ANKS1A: variants seen among roughly 807,000 people sequenced by gnomAD.
ANKS1A encodes the protein ankyrin repeat and sterile alpha motif domain containing 1A.
A neutral mutation model predicts 120.3 loss-of-function variants in ANKS1A; 55 were observed. That is an observed-to-expected ratio of 0.46 (90% CI 0.37 to 0.57). ANKS1A has a LOEUF of 0.57. Ranked by LOEUF, ANKS1A falls within the 20% of genes least tolerant of loss-of-function variation. The pLI is 0.00. For synonymous variants in ANKS1A, 590 were observed against 604.7 expected (o/e 0.98, Z 0.36); for missense variants, 1,123 against 1,480.3 (o/e 0.76, Z 3.96).
At chr6:35,035,016 A>C (rs530042993) in intron 11 of ANKS1A, among the ~76,000 whole-genome samples, 181 of 152,368 alleles carry the variant, frequency 1.2e-3, no homozygotes, top group Non-Finnish European at 1.9e-3. Context: ...GTAAGTGGCA[A>C]ATGTTGGCTT....
chr6:35,085,833 A>G lies in ANKS1A; in HGVS notation c.3200A>G (p.Gln1067Arg), dbSNP rs1285697553. 3.1e-6 allele frequency: 5 copies of G among 1,613,498 alleles called. No individual in the cohort carries two copies. The highest frequency in any genetic ancestry group is 2.2e-5 in the East Asian group (1 of 44,864). ...GAAGTGGCCTATCAGTTGGCCCTGC[A>G]GGCCCAGAAGTCCAGGGCGACGGGC... Reference protein sequence around the residue: ...AFEVAYQLALQAQKSRATGAS... With the variant: ...AFEVAYQLALRAQKSRATGAS... Residue 1067 changes from glutamine to arginine, a missense_variant, in exon 22 of 24, where the codon CAG (glutamine) becomes CGG (arginine). By Grantham distance (43) the Gln-to-Arg change is conservative. This residue lies in a region of ANKS1A where 904 missense variants were observed against 1,130.4 expected (regional missense o/e 0.80). Coordinates refer to ENST00000360359, the MANE Select transcript of ANKS1A (RefSeq NM_015245.3). The surrounding 1 kb of genome is among the most constrained non-coding windows in gnomAD (Gnocchi z 4.7).
intron 1 of ANKS1A, among the ~76,000 whole-genome samples, chr6:34,904,248 A>T (rs1767523023): frequency 6.6e-6 from 1 of 152,218 alleles, no homozygotes; most frequent in Non-Finnish European, 1.5e-5. Flanking sequence ...AGTTATTAAA[A>T]CATATTTTTT....
chr6:34,923,645 T>C (rs1313333333), intron 1 of ANKS1A, among the ~76,000 whole-genome samples: 1 of 152,128 alleles, frequency 6.6e-6, no homozygotes, highest in African/African-American at 2.4e-5. Context: ...TTAAATTGTA[T>C]AGTTTTAAAC....
At position 35,091,096 on chromosome 6, in the gene ANKS1A, T is replaced by C. The variant is rs1247213529; in HGVS notation, c.*2487T>C. 3 of 985,836 alleles carry C rather than the reference T, an allele frequency of 3.0e-6. No individual in the cohort carries two copies. The African/African-American group carries it at 5.2e-5, about 17-fold the overall frequency. 61.1% of individuals were successfully genotyped at this position (985,836 alleles called of 1,614,324 possible). On this transcript the variant is annotated 3_prime_UTR_variant, in exon 24 of 24. Transcript: ENST00000360359. Reference sequence around the variant, plus strand: ...CCAGCAGAAAGCAGCTCAGAAGTATTGTTGCTCATGGTGTGGCAATGGACT... The same window carrying C: ...CCAGCAGAAAGCAGCTCAGAAGTATCGTTGCTCATGGTGTGGCAATGGACT...
rs775299171 is a variant in ANKS1A at position 35,085,972 on chromosome 6, C to A, written c.3303+36C>A. The A allele has an allele frequency of 1.0e-5, 16 of 1,558,590 alleles. No individual in the cohort carries two copies. In the African/African-American group the frequency reaches 1.9e-4, roughly 19 times the overall value. ...CCCACTGGCCAAGATCCCCCTCTCC[C>A]TGGCCCCAGGGATTCAAGGGCTCAG... On this transcript the variant is annotated intron_variant, in intron 22 of 23. Transcript: ENST00000360359. The surrounding 1 kb of genome is among the most constrained non-coding windows in gnomAD (Gnocchi z 4.7).
rs760937822 is a variant in ANKS1A at position 35,086,266 on chromosome 6, C to G, written c.3303+330C>G. On this transcript the variant is annotated intron_variant, in intron 22 of 23. Transcript: ENST00000360359. This position sits in a 1 kb window ranked among gnomAD's most constrained non-coding sequence, Gnocchi z 5.1. Reference sequence around the variant, plus strand: ...GTCTGTGTCTGCTTTGCTCTGCACCCCAGGTGCCGCTGCCCCCCGATAGTC... The same window carrying G: ...GTCTGTGTCTGCTTTGCTCTGCACCGCAGGTGCCGCTGCCCCCCGATAGTC... 7.4e-7 allele frequency: 1 copy of G among 1,344,324 alleles called. No individual in the cohort carries two copies. Among genetic ancestry groups the G allele is most frequent in the Admixed American group, 2.2e-5 (1 of 45,056 alleles). 83.3% of individuals were successfully genotyped at this position (1,344,324 alleles called of 1,614,324 possible). A position where few individuals can be genotyped will look rare whatever the true frequency, so the allele number is the denominator to read the frequency against.
At chr6:34,935,845 G>A (rs9394260) in intron 1 of ANKS1A, among the ~76,000 whole-genome samples, 23,119 of 151,436 alleles carry the variant, frequency 0.15, 2,361 homozygotes, top group East Asian at 0.56. Flanking sequence ...GGCGGATCAC[G>A]AGGTCAGGAG....
In ANKS1A at chr6:35,082,647, C is replaced by T; in HGVS notation, c.2710-44C>T. 6.3e-7 allele frequency: 1 copy of T among 1,574,922 alleles called. No individual in the cohort carries two copies. Among genetic ancestry groups the T allele is most frequent in the Non-Finnish European group, 8.6e-7 (1 of 1,159,146 alleles). On this transcript the variant is annotated intron_variant, in intron 17 of 23. Transcript: ENST00000360359. This position sits in a 1 kb window ranked among gnomAD's most constrained non-coding sequence, Gnocchi z 4.1. Reference sequence around the variant, plus strand: ...GAGCCAGGCAGCAAGCCCATGTGCTCCTCTGGAGCAAGGAGCAGGTGTCCA... The same window carrying T: ...GAGCCAGGCAGCAAGCCCATGTGCTTCTCTGGAGCAAGGAGCAGGTGTCCA...
chr6:34,925,104 G>A (rs6918498), intron 1 of ANKS1A, among the ~76,000 whole-genome samples: 19,672 of 152,142 alleles, frequency 0.13, 1,998 homozygotes, highest in African/African-American at 0.27. Context: ...TAATTTACAA[G>A]GAGACTTAAT....
intron 1 of ANKS1A, among the ~76,000 whole-genome samples, chr6:34,890,016 C>T (rs1581649205): frequency 6.6e-6 from 1 of 152,144 alleles, no homozygotes; most frequent in Non-Finnish European, 1.5e-5. Context: ...TCTCGAGGCT[C>T]CTCTGGAGGA....
At chr6:34,976,628 C>T (rs1771602560) in intron 3 of ANKS1A, among the ~76,000 whole-genome samples, 1 of 151,842 alleles carries the variant, frequency 6.6e-6, no homozygotes, top group African/African-American at 2.4e-5. Flanking sequence ...GCATTAGTAT[C>T]ACCTGCAAGC....
At position 35,082,576 on chromosome 6, in the gene ANKS1A, CT is replaced by C. The variant is rs1777743074; in HGVS notation, c.2710-113del. 7.2e-7 allele frequency: 1 copy of C among 1,384,396 alleles called. No individual in the cohort carries two copies. The highest frequency in any genetic ancestry group is 2.5e-5 in the East Asian group (1 of 40,352). The allele number at this position is 1,384,396 out of a possible 1,614,324, so 85.8% of individuals were successfully genotyped here. A position where few individuals can be genotyped will look rare whatever the true frequency, so the allele number is the denominator to read the frequency against. On this transcript the variant is annotated intron_variant, in intron 17 of 23. Coordinates refer to ENST00000360359, the MANE Select transcript of ANKS1A (RefSeq NM_015245.3). This position sits in a 1 kb window ranked among gnomAD's most constrained non-coding sequence, Gnocchi z 4.1. ...TGCCCCCTGCCATCTCCACTCGACC[CT>C]TGAACTTGCTAAGGTCACTGGCATC... is the stretch of plus-strand genomic sequence containing the variant.
chr6:34,925,980 G>T (rs2473614), intron 1 of ANKS1A, among the ~76,000 whole-genome samples: 6 of 152,120 alleles, frequency 3.9e-5, no homozygotes, highest in African/African-American at 1.4e-4. Flanking sequence ...CCTTTAGAGA[G>T]TCTTGAGGAA....
chr6:34,894,508 C>T (rs185019971), intron 1 of ANKS1A, among the ~76,000 whole-genome samples: 1 of 152,120 alleles, frequency 6.6e-6, no homozygotes, highest in Admixed American at 6.5e-5. Flanking sequence ...AAACATTAGC[C>T]AGGCGTGATG....
chr6:34,984,041 GC>G (rs140191897), intron 7 of ANKS1A, among the ~76,000 whole-genome samples: 1 of 152,234 alleles, frequency 6.6e-6, no homozygotes, highest in East Asian at 1.9e-4. Context: ...AGATTTGCCT[GC>G]CTCAGCTTCC....
At chr6:35,002,225 C>G (rs1036849032) in intron 10 of ANKS1A, among the ~76,000 whole-genome samples, 7 of 152,180 alleles carry the variant, frequency 4.6e-5, no homozygotes, top group Middle Eastern at 3.4e-3. Context: ...TCAGTTTATT[C>G]TAGTGCGCCC....
At chr6:35,069,211 C>G (rs987325416) in intron 13 of ANKS1A, among the ~76,000 whole-genome samples, 1 of 152,162 alleles carries the variant, frequency 6.6e-6, no homozygotes, top group South Asian at 2.1e-4. Context: ...AGTGACATCC[C>G]CCACACACTA....
At chr6:34,989,419 C>A in intron 9 of ANKS1A, 103 bp downstream of exon 9, 1 of 1,027,278 alleles carries the variant, frequency 9.7e-7, no homozygotes, top group Non-Finnish European at 1.5e-6. Flanking sequence ...TTCTCATCAG[C>A]TCTTTGGATT....
At position 35,084,277 on chromosome 6, in the gene ANKS1A, C is replaced by G; in HGVS notation, c.3132+19C>G. ...GGATGTGGTGGGTGGGGTCCTGGGG[C>G]CGGGTGGGGCAGGCTTGGGTTGCAG... On this transcript the variant is annotated intron_variant, in intron 21 of 23. Coordinates refer to ENST00000360359, the MANE Select transcript of ANKS1A (RefSeq NM_015245.3). The surrounding 1 kb of genome is among the most constrained non-coding windows in gnomAD (Gnocchi z 4.8). 6.2e-7 allele frequency: 1 copy of G among 1,612,406 alleles called. No individual in the cohort carries two copies. The highest frequency in any genetic ancestry group is 8.5e-7 in the Non-Finnish European group (1 of 1,179,346).
Sources: gnomAD v4.1 joint callset for allele counts (sites outside exome capture counted in the v4.1 genomes callset) on GRCh38, gnomAD v4.1.1 for gene constraint, gnomAD v4.1.1 regional missense constraint, Gnocchi (gnomAD v3.1) non-coding constraint, MANE v1.5 for transcripts, NCBI Gene and HGNC (gene_info 2026-07-23, HGNC 2026-07-21) for gene names.